The following MAX variants were observed in gnomAD, a reference collection of about 807,000 sequenced individuals.
MAX encodes MYC associated transcriptional regulator X, also known as protein max.
In MAX, 3 loss-of-function variants were observed where a neutral mutation model predicts 22.3. The ratio of observed to expected loss-of-function variants is 0.13; its 90% CI spans 0.06 to 0.35. The LOEUF (loss-of-function observed/expected upper bound fraction) is 0.35. Among genes scored for constraint, MAX ranks in the 10% least tolerant of loss-of-function variants. The pLI, the probability that MAX is intolerant of heterozygous loss-of-function variation, is 1.00. For synonymous variants in MAX, 72 were observed against 77.7 expected (o/e 0.93, Z 0.39); for missense variants, 119 against 209.4 (o/e 0.57, Z 2.66).
At position 65,077,533 on chromosome 14, in the gene MAX, C is replaced by T. The variant is rs2063091733; in HGVS notation, c.295+380G>A. The T allele has an allele frequency of 2.1e-6, 2 of 944,258 alleles. No homozygotes were observed. Among genetic ancestry groups the T allele is most frequent in the East Asian group, 4.8e-5 (2 of 41,864 alleles). 58.5% of individuals were successfully genotyped at this position (944,258 alleles called of 1,614,324 possible). ...ATTGACAATGGGGAGGGCTCACTGT[C>T]CCTGAACACCTGGAGTCTCTGGTAC... On this transcript the variant is annotated intron_variant, in intron 4 of 4. Transcript: ENST00000358664. This position sits in a 1 kb window ranked among gnomAD's most constrained non-coding sequence, Gnocchi z 6.3.
At chr14:65,034,103 G>A (rs1050473880) in intron 3 of MAX, among the ~76,000 whole-genome samples, 1 of 152,084 alleles carries the variant, frequency 6.6e-6, no homozygotes, top group African/African-American at 2.4e-5. Flanking sequence ...CAAATTGTCT[G>A]TCAGAGCTAT....
At chr14:65,015,522 T>C in intron 3 of MAX, 1 of 991,972 alleles carries the variant, frequency 1.0e-6, no homozygotes, top group Non-Finnish European at 1.4e-6. Context: ...GGTGCCCTCC[T>C]CCCCCTTGCC....
chr14:65,095,269 A>C lies in MAX; in HGVS notation c.64-1454T>G, dbSNP rs756723405. Among the ~76,000 whole-genome samples, 5 of 152,308 alleles carry C rather than the reference A, an allele frequency of 3.3e-5. No individual in the cohort carries two copies. The East Asian group carries it at 5.8e-4, about 18-fold the overall frequency. ...TGACAACCATGGTTCTCCATAGCAT[A>C]TCTCTCTTTTTGGGGCAGATGCCTG... is the stretch of plus-strand genomic sequence containing the variant. On this transcript the variant is annotated intron_variant, in intron 2 of 4. Coordinates refer to ENST00000358664, the MANE Select transcript of MAX (RefSeq NM_002382.5).
Position 65,054,498 on chromosome 14 carries a change from C to T in MAX, c.171+39210G>A, listed in dbSNP as rs1451757176. The T allele has an allele frequency of 1.4e-6, 2 of 1,418,422 alleles. No homozygotes were observed. Among genetic ancestry groups the T allele is most frequent in the Non-Finnish European group, 1.9e-6 (2 of 1,031,282 alleles). 87.9% of individuals were successfully genotyped at this position (1,418,422 alleles called of 1,614,324 possible). A position where few individuals can be genotyped will look rare whatever the true frequency, so the allele number is the denominator to read the frequency against. On this transcript the variant is annotated intron_variant, in intron 3 of 3. Coordinates refer to the MAX transcript ENST00000341653. This position sits in a 1 kb window ranked among gnomAD's most constrained non-coding sequence, Gnocchi z 4.4. The stretch of plus-strand genomic sequence containing the variant: ...GGGGACGTGTGATTGCACCAGTGGT[C>T]TCTGAATTGGTGTGGCTACATTTGT...
At position 65,054,677 on chromosome 14, in the gene MAX, C is replaced by T. The variant is rs759157335; in HGVS notation, c.171+39031G>A. On this transcript the variant is annotated intron_variant, in intron 3 of 3. Transcript: ENST00000341653. The surrounding 1 kb of genome is among the most constrained non-coding windows in gnomAD (Gnocchi z 4.4). ...TGCATGATGTGGTCCTGGGTGTGCC[C>T]GAAAACGCTCTGGTAAGACGGGTGC... The T allele has an allele frequency of 1.4e-5, 23 of 1,610,134 alleles. No individual in the cohort carries two copies. Among genetic ancestry groups the T allele is most frequent in the South Asian group, 8.9e-5 (8 of 90,156 alleles).
rs1023631805 is a variant in MAX, at chr14:65,007,874, G to T, written c.172-1590C>A. On this transcript the variant is annotated intron_variant, in intron 3 of 3. Transcript: ENST00000341653. This position sits in a 1 kb window ranked among gnomAD's most constrained non-coding sequence, Gnocchi z 4.9. The stretch of plus-strand genomic sequence containing the variant: ...TGGGCAAGGAGACGGGTGCTCCTCA[G>T]AAGTGAGAAATATTGATAATGTCCC... Among the ~76,000 whole-genome samples the T allele has an allele frequency of 6.6e-6, 1 of 152,192 alleles. No homozygotes were observed. The highest frequency in any genetic ancestry group is 2.4e-5 in the African/African-American group (1 of 41,450).
At chr14:65,092,311 CACTCCTGG>C (rs1368825874) in intron 3 of MAX, among the ~76,000 whole-genome samples, 2 of 152,278 alleles carry the variant, frequency 1.3e-5, no homozygotes, top group Admixed American at 6.5e-5. Flanking sequence ...GCCCCAGTGC[CACTCCTGG>C]TTAGGTGAGA....
Position 65,069,380 on chromosome 14 carries a change from A to G in MAX, c.171+24328T>C, listed in dbSNP as rs1480868705. On this transcript the variant is annotated intron_variant, in intron 3 of 3. Coordinates refer to the MAX transcript ENST00000341653. The surrounding 1 kb of genome is among the most constrained non-coding windows in gnomAD (Gnocchi z 4.6). ...TGGCCCTGCCCCTCCCATAGTGCCA[A>G]ACCGCTCTCACTGAGGGCCCATCTC... Among the ~76,000 whole-genome samples, 1 of 152,178 alleles carries G rather than the reference A, an allele frequency of 6.6e-6. No homozygotes were observed. The highest frequency in any genetic ancestry group is 1.5e-5 in the Non-Finnish European group (1 of 68,018).
intron 3 of MAX, among the ~76,000 whole-genome samples, chr14:65,046,186 G>A (rs2062472713): frequency 6.6e-6 from 1 of 152,088 alleles, no homozygotes; most frequent in Admixed American, 6.6e-5. Flanking sequence ...ATGTTGGTCA[G>A]GCTGGTCTCG....
chr14:65,060,697 C>CAAAAAAAAAA (rs59036615), intron 3 of MAX, among the ~76,000 whole-genome samples: 18 of 48,586 alleles, frequency 3.7e-4, no homozygotes, highest in East Asian at 5.2e-4. Context: ...GACTCCGTCT[C>CAAAAAAAAAA]AAAAAAAAAA....
downstream of MAX, among the ~76,000 whole-genome samples, chr14:65,074,520 C>T (rs1368016271): frequency 6.6e-6 from 1 of 152,216 alleles, no homozygotes; most frequent in African/African-American, 2.4e-5. Context: ...TTGACTTCCT[C>T]TCTGGGTCTA....
At chr14:65,053,362 T>C in intron 3 of MAX, 4 of 1,408,814 alleles carry the variant, frequency 2.8e-6, no homozygotes, top group Non-Finnish European at 3.7e-6. Context: ...GAGTGTTTTC[T>C]CTCTGGGGAG....
chr14:65,019,196 G>A (rs2139540734), intron 3 of MAX, among the ~76,000 whole-genome samples: 1 of 151,188 alleles, frequency 6.6e-6, no homozygotes. Flanking sequence ...AGAAAAAGAA[G>A]AACTTTCTGG....
At position 65,077,670 on chromosome 14, in the gene MAX, G is replaced by C. The variant is rs746065120; in HGVS notation, c.295+243C>G. On this transcript the variant is annotated intron_variant, in intron 4 of 4. Coordinates refer to ENST00000358664, the MANE Select transcript of MAX (RefSeq NM_002382.5). The surrounding 1 kb of genome is among the most constrained non-coding windows in gnomAD (Gnocchi z 6.3). ...TGAGCCCCAAGAAGGGGAGAGGTCA[G>C]GCCAGAAAAGATACAAGTCTCCAGA... 17 of 1,508,304 alleles carry C rather than the reference G, an allele frequency of 1.1e-5. No individual in the cohort carries two copies. The highest frequency in any genetic ancestry group is 9.0e-7 in the Non-Finnish European group (1 of 1,114,450). The allele number at this position is 1,508,304 out of a possible 1,614,324, so 93.4% of individuals were successfully genotyped here. A position where few individuals can be genotyped will look rare whatever the true frequency, so the allele number is the denominator to read the frequency against.
At position 65,082,684 on chromosome 14, in the gene MAX, T is replaced by C. The variant is rs1875319285; in HGVS notation, c.172-4648A>G. 1.3e-5 allele frequency among the ~76,000 whole-genome samples: 2 copies of C among 151,894 alleles called. No homozygotes were observed. Among genetic ancestry groups the C allele is most frequent in the African/African-American group, 4.8e-5 (2 of 41,324 alleles). ...TGGGAGGCAAAGGTGGGAGGATCTC[T>C]TGAGCCCATGGGGCTGAAGCTGCAG... On this transcript the variant is annotated intron_variant, in intron 3 of 4. Transcript: ENST00000358664. This position sits in a 1 kb window ranked among gnomAD's most constrained non-coding sequence, Gnocchi z 4.8.
At chr14:65,060,164 G>A (rs1002378663) in intron 3 of MAX, among the ~76,000 whole-genome samples, 2 of 151,684 alleles carry the variant, frequency 1.3e-5, no homozygotes, top group Non-Finnish European at 2.9e-5. Flanking sequence ...GTAAATACAT[G>A]TTTATTGTTT....
intron 3 of MAX, among the ~76,000 whole-genome samples, chr14:65,060,887 AAAAAAAAAC>A (rs1419961194): frequency 2.7e-5 from 4 of 150,202 alleles, no homozygotes; most frequent in African/African-American, 1.0e-4. Context: ...AAAAAAAAAA[AAAAAAAAAC>A]AGTTTGAGAT....
At chr14:65,051,853 G>A (rs537869215) in intron 3 of MAX, among the ~76,000 whole-genome samples, 17 of 148,606 alleles carry the variant, frequency 1.1e-4, no homozygotes, top group African/African-American at 4.2e-4. Context: ...GGAGTGCAGT[G>A]GTGTGATCTC....
At chr14:65,043,448 C>G (rs1276375639) in intron 3 of MAX, among the ~76,000 whole-genome samples, 2 of 152,192 alleles carry the variant, frequency 1.3e-5, no homozygotes, top group East Asian at 3.8e-4. Flanking sequence ...TTCAGGCCTG[C>G]TAGTGACTTG....
Sources: allele counts gnomAD v4.1 joint callset (sites outside exome capture counted in the v4.1 genomes callset), GRCh38; gene constraint gnomAD v4.1.1; non-coding constraint Gnocchi (gnomAD v3.1); transcripts MANE v1.5; gene names NCBI Gene and HGNC (gene_info 2026-07-23, HGNC 2026-07-21).